The following PMM2 variants were observed in gnomAD, a reference collection of about 807,000 sequenced individuals.
The protein encoded by PMM2 is phosphomannomutase 2, also known as mannose-6-phosphate isomerase.
Under a neutral mutation model 33.2 loss-of-function variants are expected in PMM2, and 35 were observed. The ratio of observed to expected loss-of-function variants is 1.06; its 90% CI spans 0.81 to 1.40. PMM2 has a LOEUF of 1.40. Among genes scored for constraint, PMM2 ranks in the 40% most tolerant of loss-of-function variants. The pLI, the probability that PMM2 is intolerant of heterozygous loss-of-function variation, is 0.00. For synonymous variants in PMM2, 153 were observed against 114.7 expected (o/e 1.33, Z -2.13); for missense variants, 386 against 306.0 (o/e 1.26, Z -1.95).
chr16:8,846,272 T>C (rs1596508790), intron 7 of PMM2, among the ~76,000 whole-genome samples: 2 of 152,328 alleles, frequency 1.3e-5, no homozygotes, highest in South Asian at 2.1e-4. Context: ...TTAATTCTTT[T>C]AAAGGATGTC....
At chr16:8,823,959 A>G (rs1192484655) in intron 7 of PMM2, among the ~76,000 whole-genome samples, 1 of 152,246 alleles carries the variant, frequency 6.6e-6, no homozygotes, top group Non-Finnish European at 1.5e-5. Flanking sequence ...AGTAACCGGC[A>G]TCTCTAATTG....
intron 7 of PMM2, among the ~76,000 whole-genome samples, chr16:8,835,590 G>T (rs1317783373): frequency 6.6e-6 from 1 of 151,662 alleles, no homozygotes; most frequent in Non-Finnish European, 1.5e-5. Flanking sequence ...CCACGGGGTG[G>T]ATAGGCAAAA....
At chr16:8,811,200 T>C (rs137862339) in intron 5 of PMM2, 22 bp downstream of exon 5, 19 of 1,388,600 alleles carry the variant, frequency 1.4e-5, no homozygotes, top group African/African-American at 2.9e-5. Context: ...TGAAATATCT[T>C]TGGTGAATGG....
chr16:8,814,974 A>G (rs2060698669), intron 7 of PMM2, among the ~76,000 whole-genome samples: 1 of 152,266 alleles, frequency 6.6e-6, no homozygotes, highest in East Asian at 1.9e-4. Context: ...CCATTGAACA[A>G]CAACTCTCCA....
chr16:8,800,350 G>A (rs188292170), intron 1 of PMM2, among the ~76,000 whole-genome samples: 136 of 114,580 alleles, frequency 1.2e-3, no homozygotes, highest in East Asian at 6.2e-3. Context: ...GACAGAGCAC[G>A]ACTTCGTGTC....
intron 7 of PMM2, among the ~76,000 whole-genome samples, chr16:8,816,068 C>G (rs182548436): frequency 7.9e-5 from 12 of 152,256 alleles, no homozygotes; most frequent in Admixed American, 3.3e-4. Flanking sequence ...CATCAGTGTT[C>G]AGGGAAATGC....
chr16:8,835,738 T>A (rs1016640035), intron 7 of PMM2, among the ~76,000 whole-genome samples: 2 of 151,970 alleles, frequency 1.3e-5, no homozygotes, highest in African/African-American at 4.8e-5. Context: ...GATAACAGGC[T>A]TTAATCCTTT....
chr16:8,837,146 G>A (rs1158670862), intron 7 of PMM2, among the ~76,000 whole-genome samples: 4 of 151,964 alleles, frequency 2.6e-5, no homozygotes, highest in Non-Finnish European at 4.4e-5. Context: ...GGACAGGTGG[G>A]AGGGAAAGAA....
intron 7 of PMM2, among the ~76,000 whole-genome samples, chr16:8,833,683 C>T (rs1451689426): frequency 6.6e-6 from 1 of 150,832 alleles, no homozygotes; most frequent in African/African-American, 2.4e-5. Context: ...TTAGAAGAAA[C>T]ATCTGTCGTA....
intron 4 of PMM2, chr16:8,807,695 G>C (rs9922582): frequency 6.6e-6 from 1 of 152,354 alleles, no homozygotes; most frequent in African/African-American, 2.4e-5. Flanking sequence ...GGGTCTTGCC[G>C]TATGGCCCAG....
intron 7 of PMM2, among the ~76,000 whole-genome samples, chr16:8,836,409 G>A (rs1376431017): frequency 1.3e-5 from 2 of 151,948 alleles, no homozygotes; most frequent in Admixed American, 6.6e-5. Flanking sequence ...CAGATGGGAC[G>A]CGGCTTAGGA....
chr16:8,820,536 T>G (rs1459246892), intron 7 of PMM2, among the ~76,000 whole-genome samples: 4 of 152,230 alleles, frequency 2.6e-5, no homozygotes, highest in Middle Eastern at 3.4e-3. Flanking sequence ...GTATTTTTAG[T>G]AGAGACGGGG....
rs186159561 is a variant in PMM2, at chr16:8,827,623, T to G, written c.639+14517T>G. Among the ~76,000 whole-genome samples, 1,228 of 145,676 alleles carry G rather than the reference T, an allele frequency of 8.4e-3. 32 individuals carry two copies. The highest frequency in any genetic ancestry group is 0.03 in the African/African-American group (1,171 of 39,460). On this transcript the variant is annotated intron_variant, in intron 7 of 7. Coordinates refer to ENST00000268261, the MANE Select transcript of PMM2 (RefSeq NM_000303.3). The stretch of plus-strand genomic sequence containing the variant: ...GTTGGCCAGGCTGGTCTTGAACTCC[T>G]GACCTCAAGTGATCCCCCTGCCTCA...
chr16:8,818,640 C>T (rs2060720813), intron 7 of PMM2, among the ~76,000 whole-genome samples: 1 of 152,238 alleles, frequency 6.6e-6, no homozygotes, highest in African/African-American at 2.4e-5. Context: ...TCCAGCAGCA[C>T]AGCCTCCAGG....
chr16:8,847,516 A>G, intron 7 of PMM2: 2 of 579,650 alleles, frequency 3.5e-6, no homozygotes, highest in Non-Finnish European at 6.2e-6. Context: ...TCCAAGCCAA[A>G]TTGCAGTTCA....
intron 7 of PMM2, among the ~76,000 whole-genome samples, chr16:8,821,186 C>T (rs1380550489): frequency 6.6e-6 from 1 of 152,182 alleles, no homozygotes; most frequent in Admixed American, 6.5e-5. Context: ...TCCCTCACTC[C>T]TGGAGGGACC....
chr16:8,828,957 G>A (rs1013878807), intron 7 of PMM2, among the ~76,000 whole-genome samples: 1 of 152,180 alleles, frequency 6.6e-6, no homozygotes, highest in African/African-American at 2.4e-5. Flanking sequence ...GCATGTGAGA[G>A]CTGGTTGTGC....
chr16:8,827,817 T>TAG (rs2060782283), intron 7 of PMM2, among the ~76,000 whole-genome samples: 1 of 106,454 alleles, frequency 9.4e-6, no homozygotes, highest in Non-Finnish European at 1.9e-5. Context: ...TATATTTATA[T>TAG]AATATATATT....
chr16:8,801,111 C>T (rs1293588929), intron 1 of PMM2, among the ~76,000 whole-genome samples: 1 of 152,152 alleles, frequency 6.6e-6, no homozygotes, highest in Non-Finnish European at 1.5e-5. Flanking sequence ...AAAAGATCAC[C>T]ACAGCATAGT....
Sources: gnomAD v4.1 joint callset for allele counts (sites outside exome capture counted in the v4.1 genomes callset) on GRCh38, gnomAD v4.1.1 for gene constraint, MANE v1.5 for transcripts, NCBI Gene and HGNC (gene_info 2026-07-23, HGNC 2026-07-21) for gene names.